Variants in ERBIN observed in about 807,000 individuals in gnomAD.
ERBIN encodes the protein densin-180-like protein.
Under a neutral mutation model 158.4 loss-of-function variants are expected in ERBIN, and 60 were observed. The observed-to-expected ratio is 0.38, with a 90% CI of 0.31 to 0.47. The LOEUF is 0.47. ERBIN is among the 20% of genes least tolerant of loss of function. The probability of loss-of-function intolerance (pLI) is 0.99; values close to 1 mark genes in which losing one functional copy is unlikely to be tolerated. For synonymous variants in ERBIN, 594 were observed against 557.2 expected, an observed-to-expected ratio of 1.07 and a Z score of -0.93; for missense variants, 1,610 against 1,648.0, an observed-to-expected ratio of 0.98 and a Z score of 0.40.
intron 21 of ERBIN, among the ~76,000 whole-genome samples, chr5:66,070,824 C>T (rs1761460243): frequency 6.6e-6 from 1 of 152,110 alleles, no homozygotes; most frequent in African/African-American, 2.4e-5. Flanking sequence ...ATTCGAAATC[C>T]TTAACTCTAT....
chr5:65,995,992 T>C (rs1752390981), intron 4 of ERBIN, among the ~76,000 whole-genome samples: 1 of 152,206 alleles, frequency 6.6e-6, no homozygotes, highest in East Asian at 1.9e-4. Flanking sequence ...TTTTAGTTTC[T>C]TACATATTTT....
chr5:66,052,479 T>C (rs891985858), intron 20 of ERBIN, among the ~76,000 whole-genome samples: 2 of 152,170 alleles, frequency 1.3e-5, no homozygotes, highest in African/African-American at 4.8e-5. Flanking sequence ...CTAGATATTA[T>C]CGTATTAATT....
chr5:66,081,725 T>C lies in ERBIN; in HGVS notation c.*3195T>C, dbSNP rs1762394306. On this transcript the variant is annotated 3_prime_UTR_variant, in exon 26 of 26. Coordinates refer to ENST00000284037, the MANE Select transcript of ERBIN (RefSeq NM_001253697.2). ...ATTAAGATGGGAAATGTTTCTCTGA[T>C]GGAGATTGACGTGTGAAATCTATTT... 1 of 152,144 alleles carries C rather than the reference T, an allele frequency of 6.6e-6. No individual in the cohort carries two copies. The highest frequency in any genetic ancestry group is 1.5e-5 in the Non-Finnish European group (1 of 67,992). The allele number at this position is 152,144 out of a possible 1,614,324, so 9.4% of individuals were successfully genotyped here.
Position 66,054,199 on chromosome 5 carries a change from C to T in ERBIN, c.2881C>T (p.Pro961Ser). Residue 961 changes from proline to serine, a missense_variant, in exon 21 of 26, where the codon CCC (proline) becomes TCC (serine). By Grantham distance (74) the Pro-to-Ser change is moderately conservative. Transcript: ENST00000284037. ...CGAAGAGCCAAATATAATAAGAGGC[C>T]CCACAAGTGGCCCACAATCTGCACC... ...NPEEPNIIRG[P>S]TSGPQSAPQI... 1 of 1,613,984 alleles carries T rather than the reference C, an allele frequency of 6.2e-7. No homozygotes were observed. Among genetic ancestry groups the T allele is most frequent in the Non-Finnish European group, 8.5e-7 (1 of 1,180,008 alleles).
intron 1 of ERBIN, among the ~76,000 whole-genome samples, chr5:65,966,405 G>A (rs879268823): frequency 6.6e-6 from 1 of 152,136 alleles, no homozygotes; most frequent in Non-Finnish European, 1.5e-5. Context: ...GGTAGGCCGG[G>A]CATGGTAGCT....
chr5:66,076,682 C>T (rs1762011405), intron 24 of ERBIN, 193 bp from the exon 25 acceptor site: 2 of 604,534 alleles, frequency 3.3e-6, no homozygotes, highest in South Asian at 4.4e-5. Flanking sequence ...TTATTACTCT[C>T]AAGAGAAATC....
At chr5:66,022,406 G>A (rs1755797051) in intron 8 of ERBIN, among the ~76,000 whole-genome samples, 1 of 152,158 alleles carries the variant, frequency 6.6e-6, no homozygotes, top group Non-Finnish European at 1.5e-5. Context: ...GAATTTAACA[G>A]TAATGCACAA....
At chr5:66,004,430 T>A (rs1001586232) in intron 4 of ERBIN, among the ~76,000 whole-genome samples, 4 of 152,104 alleles carry the variant, frequency 2.6e-5, no homozygotes, top group Non-Finnish European at 5.9e-5. Flanking sequence ...TGAGACAGAA[T>A]CTCCGTCACC....
intron 1 of ERBIN, among the ~76,000 whole-genome samples, chr5:65,933,232 T>C (rs868298851): frequency 6.6e-6 from 1 of 152,252 alleles, no homozygotes; most frequent in Non-Finnish European, 1.5e-5. Context: ...TGTCATGCTT[T>C]TTGTTTTTTC....
At chr5:66,018,801 TA>T (rs1451240788) in intron 7 of ERBIN, among the ~76,000 whole-genome samples, 1 of 149,368 alleles carries the variant, frequency 6.7e-6, no homozygotes, top group Non-Finnish European at 1.5e-5. Context: ...TACTCCTGGC[TA>T]ATTTTTGTAT....
chr5:66,034,617 T>A (rs1195223195), intron 14 of ERBIN, among the ~76,000 whole-genome samples: 1 of 151,912 alleles, frequency 6.6e-6, no homozygotes, highest in Non-Finnish European at 1.5e-5. Context: ...TTTTTTTTTT[T>A]TTTAAGGAAG....
intron 14 of ERBIN, among the ~76,000 whole-genome samples, chr5:66,031,684 T>G (rs1290468766): frequency 1.3e-5 from 2 of 151,988 alleles, no homozygotes; most frequent in Non-Finnish European, 2.9e-5. Flanking sequence ...ATTAAAACAT[T>G]AGCCAGGTGG....
Position 66,012,055 on chromosome 5 carries a change from A to G in ERBIN, c.314A>G (p.Gln105Arg). The change falls in exon 5 of 26, where the codon CAG becomes CGG. Residue 105 changes from glutamine (Q) to arginine (R), a missense_variant. Gln to Arg is a conservative substitution (Grantham distance 43). Coordinates refer to ENST00000284037, the MANE Select transcript of ERBIN (RefSeq NM_001253697.2). ...ATCGTTGTTTGTTTTCTAGGAATAC[A>G]GGAGTTTCCAGAAAATATAAAAAAT... is the stretch of plus-strand genomic sequence containing the variant. ...RELDVSKNGI[Q>R]EFPENIKNCK... The G allele has an allele frequency of 1.3e-6, 2 of 1,596,316 alleles. No individual in the cohort carries two copies. Among genetic ancestry groups the G allele is most frequent in the Non-Finnish European group, 8.6e-7 (1 of 1,167,266 alleles).
chr5:66,038,613 C>G, intron 15 of ERBIN, 131 bp downstream of exon 15: 1 of 590,300 alleles, frequency 1.7e-6, no homozygotes, highest in Non-Finnish European at 2.9e-6. Context: ...CAGTTTGTTT[C>G]GAAATAATGG....
intron 25 of ERBIN, among the ~76,000 whole-genome samples, chr5:66,077,150 C>CAAAAA (rs397977892): frequency 1.3e-5 from 1 of 74,598 alleles, no homozygotes; most frequent in Non-Finnish European, 2.9e-5. Flanking sequence ...GACTCTGTCT[C>CAAAAA]AAAAAAAAAA....
intron 18 of ERBIN, 118 bp downstream of exon 18, chr5:66,046,656 GA>G: frequency 1.3e-6 from 1 of 783,356 alleles, no homozygotes; most frequent in East Asian, 2.7e-5. Flanking sequence ...TCATCATTGA[GA>G]AATTTCATAT....
chr5:65,950,699 A>C (rs1746392320), intron 1 of ERBIN, among the ~76,000 whole-genome samples: 1 of 152,180 alleles, frequency 6.6e-6, no homozygotes, highest in African/African-American at 2.4e-5. Flanking sequence ...ATTTGCAGGC[A>C]TGTTTAAACC....
rs563091476 is a variant in ERBIN, at chr5:66,018,621, C to G, written c.534-2701C>G. On this transcript the variant is annotated intron_variant, in intron 7 of 25. Transcript: ENST00000284037. ...TATATTATATATACATACACACACA[C>G]ATATAGATTTTTTTTTATTTATTTT... Among the ~76,000 whole-genome samples, 3 of 88,212 alleles carry G rather than the reference C, an allele frequency of 3.4e-5. No homozygotes were observed. In the South Asian group the frequency reaches 1.2e-3, roughly 34 times the overall value. 57.9% of individuals were successfully genotyped at this position (88,212 alleles called of 152,430 possible).
At chr5:66,076,273 T>G (rs770910358) in intron 23 of ERBIN, 43 bp from the exon 24 acceptor site, 2 of 1,509,170 alleles carry the variant, frequency 1.3e-6, no homozygotes, top group Admixed American at 1.8e-5. Context: ...CATTATAACT[T>G]TTTCTGAAAT....
Sources: allele counts gnomAD v4.1 joint callset (sites outside exome capture counted in the v4.1 genomes callset), GRCh38; gene constraint gnomAD v4.1.1; transcripts MANE v1.5; gene names NCBI Gene and HGNC (gene_info 2026-07-23, HGNC 2026-07-21).